The following KCNH5 variants were observed in gnomAD, a reference collection of about 807,000 sequenced individuals.
KCNH5 encodes potassium voltage-gated channel subfamily H member 5.
In KCNH5, 46 loss-of-function variants were observed where a neutral mutation model predicts 96.1. That is an observed-to-expected ratio of 0.48 (90% CI 0.38 to 0.61). The LOEUF is 0.61. Ranked by LOEUF, KCNH5 falls within the 20% of genes least tolerant of loss-of-function variation. The pLI is 0.00. For missense variants in KCNH5, 907 were observed against 1,225.8 expected, an observed-to-expected ratio of 0.74 and a Z score of 3.88; for synonymous variants, 439 against 449.8, an observed-to-expected ratio of 0.98 and a Z score of 0.30.
chr14:62,741,543 C>A (rs1885271312), intron 10 of KCNH5, among the ~76,000 whole-genome samples: 1 of 151,934 alleles, frequency 6.6e-6, no homozygotes, highest in African/African-American at 2.4e-5. Flanking sequence ...CGTTTGGTCC[C>A]CTCCCCCAAC....
intron 7 of KCNH5, among the ~76,000 whole-genome samples, chr14:62,875,214 A>T (rs369769264): frequency 0.049 from 7,436 of 150,540 alleles, 606 homozygotes; most frequent in African/African-American, 0.17. Context: ...ATGGAAGAAC[A>T]TTCCATGCTC....
intron 8 of KCNH5, among the ~76,000 whole-genome samples, chr14:62,846,705 T>G (rs533513534): frequency 1.3e-5 from 2 of 151,486 alleles, no homozygotes; most frequent in South Asian, 2.1e-4. Context: ...GAGATATCTA[T>G]TCCCTCTCTT....
chr14:62,887,827 T>C (rs959399896), intron 7 of KCNH5, among the ~76,000 whole-genome samples: 1 of 152,186 alleles, frequency 6.6e-6, no homozygotes, highest in African/African-American at 2.4e-5. Context: ...GTTCTAGTGT[T>C]AGCATTGCTA....
intron 7 of KCNH5, among the ~76,000 whole-genome samples, chr14:62,916,151 A>G (rs570959912): frequency 4.3e-4 from 66 of 151,830 alleles, no homozygotes; most frequent in South Asian, 3.3e-3. Flanking sequence ...ACGGGGTTTT[A>G]CCGTGTTAGC....
chr14:62,902,828 T>G (rs1317593228), intron 7 of KCNH5, among the ~76,000 whole-genome samples: 2 of 151,774 alleles, frequency 1.3e-5, no homozygotes, highest in Non-Finnish European at 2.9e-5. Context: ...CAAGCGATTC[T>G]CCCACCTCAG....
At chr14:62,746,772 T>C (rs1275677888) in intron 10 of KCNH5, among the ~76,000 whole-genome samples, 5 of 152,258 alleles carry the variant, frequency 3.3e-5, no homozygotes. Flanking sequence ...CGGAATATTA[T>C]TTTAAAAAGG....
chr14:62,913,229 G>A (rs780041851), intron 7 of KCNH5, among the ~76,000 whole-genome samples: 1 of 151,930 alleles, frequency 6.6e-6, no homozygotes, highest in African/African-American at 2.4e-5. Context: ...TGTTAAATGT[G>A]AAACTTTTTT....
At chr14:62,853,456 C>CATATATATATATATATATATATCATAT (rs1887852434) in intron 7 of KCNH5, among the ~76,000 whole-genome samples, 2 of 93,320 alleles carry the variant, frequency 2.1e-5, no homozygotes, top group Admixed American at 1.0e-4. Flanking sequence ...AAAGAATAAT[C>CATATATATATATATATATATATCATAT]ATATATATAT....
At chr14:62,891,653 T>C (rs1888713724) in intron 7 of KCNH5, among the ~76,000 whole-genome samples, 1 of 152,180 alleles carries the variant, frequency 6.6e-6, no homozygotes, top group Non-Finnish European at 1.5e-5. Flanking sequence ...ATACTGTCGT[T>C]TTGCAAATTA....
intron 7 of KCNH5, among the ~76,000 whole-genome samples, chr14:62,922,423 A>G (rs75579404): frequency 3.3e-5 from 5 of 152,078 alleles, no homozygotes; most frequent in Admixed American, 2.6e-4. Flanking sequence ...TAGTTAAATT[A>G]ACACCTATAA....
In KCNH5 at chr14:62,963,840, CAG is replaced by C. The variant is rs373335759; in HGVS notation, c.943-13283_943-13282del. On this transcript the variant is annotated intron_variant, in intron 6 of 10. Coordinates refer to ENST00000322893, the MANE Select transcript of KCNH5 (RefSeq NM_139318.5). ...CAGTCAAGAGAGAAAAGCATACAGACAGAGTCAGTGAGTCACATTAGTGGTGG... is the reference window on the plus strand; with the variant it reads ...CAGTCAAGAGAGAAAAGCATACAGACAGTCAGTGAGTCACATTAGTGGTGG... Among the ~76,000 whole-genome samples the C allele has an allele frequency of 3.6e-3, 549 of 152,204 alleles. 3 individuals are homozygous for C. Among genetic ancestry groups the C allele is most frequent in the African/African-American group, 0.012 (499 of 41,544 alleles).
intron 10 of KCNH5, among the ~76,000 whole-genome samples, chr14:62,745,500 C>G (rs1187225451): frequency 6.6e-6 from 1 of 152,138 alleles, no homozygotes; most frequent in East Asian, 1.9e-4. Context: ...ATAATATAGA[C>G]AGAAACTTTC....
chr14:62,805,497 A>C (rs1248553456), intron 8 of KCNH5, among the ~76,000 whole-genome samples: 1 of 152,196 alleles, frequency 6.6e-6, no homozygotes, highest in Non-Finnish European at 1.5e-5. Context: ...CCTTAGACAG[A>C]GCATGTGTGT....
At chr14:62,834,751 G>GA (rs1228634591) in intron 8 of KCNH5, among the ~76,000 whole-genome samples, 2 of 151,712 alleles carry the variant, frequency 1.3e-5, no homozygotes, top group Non-Finnish European at 3.0e-5. Context: ...AAAATCAAAA[G>GA]AAAAAATAAC....
intron 10 of KCNH5, among the ~76,000 whole-genome samples, chr14:62,738,176 G>C (rs1041660677): frequency 6.6e-6 from 1 of 152,124 alleles, no homozygotes. Flanking sequence ...CTAATGTGCA[G>C]ACAGTGTACA....
Position 62,802,372 on chromosome 14 carries a change from T to C in KCNH5, c.1779A>G (p.Gly593=), listed in dbSNP as rs1382807313. ...SVDALCFVVS[G]SLEVIQDDEV... is the part of the protein sequence containing the mutation. The stretch of plus-strand genomic sequence containing the variant: ...CATCATCCTGGATGACTTCCAAGGA[T>C]CCTGACACCACAAAGCAGAGGGCAT... The change falls in exon 9 of 11, where the codon GGA becomes GGG. Residue 593 remains glycine, a synonymous_variant. Transcript: ENST00000322893. The C allele has an allele frequency of 1.9e-6, 3 of 1,614,104 alleles. No individual in the cohort carries two copies. The highest frequency in any genetic ancestry group is 1.7e-6 in the Non-Finnish European group (2 of 1,179,994).
At chr14:62,977,720 G>A (rs1890528307) in intron 6 of KCNH5, among the ~76,000 whole-genome samples, 1 of 152,168 alleles carries the variant, frequency 6.6e-6, no homozygotes, top group Non-Finnish European at 1.5e-5. Context: ...AGCAGTGTAT[G>A]AGAGTGATAT....
chr14:63,023,494 C>T (rs1891468193), intron 1 of KCNH5, among the ~76,000 whole-genome samples: 4 of 152,126 alleles, frequency 2.6e-5, no homozygotes, highest in Admixed American at 2.6e-4. Flanking sequence ...ACATATTCCT[C>T]AGGATTATAA....
intron 7 of KCNH5, among the ~76,000 whole-genome samples, chr14:62,916,114 G>A (rs1223486321): frequency 2.6e-5 from 4 of 151,674 alleles, no homozygotes; most frequent in African/African-American, 7.3e-5. Flanking sequence ...CACTACGCCC[G>A]GCTAATTTTT....
Sources: allele counts gnomAD v4.1 joint callset (sites outside exome capture counted in the v4.1 genomes callset), GRCh38; gene constraint gnomAD v4.1.1; transcripts MANE v1.5; gene names NCBI Gene and HGNC (gene_info 2026-07-23, HGNC 2026-07-21).